The following AP4E1 variants were observed in gnomAD, a reference collection of about 807,000 sequenced individuals.
AP4E1 encodes the protein adaptor related protein complex 4 subunit epsilon 1.
In AP4E1, 56 loss-of-function variants were observed where a neutral mutation model predicts 128.2. The ratio of observed to expected loss-of-function variants is 0.44; its 90% CI spans 0.35 to 0.55. AP4E1 has a LOEUF of 0.55. Among genes scored for constraint, AP4E1 ranks in the 20% least tolerant of loss-of-function variants. The probability of loss-of-function intolerance (pLI) is 0.00; values close to 1 mark genes in which losing one functional copy is unlikely to be tolerated. For missense variants in AP4E1, 1,324 were observed against 1,307.7 expected, an observed-to-expected ratio of 1.01 and a Z score of -0.19; for synonymous variants, 484 against 473.1, an observed-to-expected ratio of 1.02 and a Z score of -0.30.
At chr15:50,993,690 T>C (rs954509549) in intron 17 of AP4E1, 65 bp downstream of exon 17, 3 of 1,598,192 alleles carry the variant, frequency 1.9e-6, no homozygotes, top group Admixed American at 3.4e-5. Flanking sequence ...AAACTGGCTC[T>C]ATAAAAGCTC....
At position 51,003,744 on chromosome 15, in the gene AP4E1, A is replaced by G. The variant is rs2064991339; in HGVS notation, c.*1082A>G. On this transcript the variant is annotated 3_prime_UTR_variant, in exon 21 of 21. Transcript: ENST00000261842. ...TGTACATTAACTGAAATAGTATTTT[A>G]TAAAATCTTATGGTGCTGTGGAAAA... 6.5e-6 allele frequency: 1 copy of G among 152,672 alleles called. No homozygotes were observed. Among genetic ancestry groups the G allele is most frequent in the Non-Finnish European group, 1.5e-5 (1 of 68,032 alleles). 9.5% of individuals were successfully genotyped at this position (152,672 alleles called of 1,614,324 possible). A position where few individuals can be genotyped will look rare whatever the true frequency, so the allele number is the denominator to read the frequency against.
chr15:50,937,670 G>T (rs1467079355), intron 8 of AP4E1, among the ~76,000 whole-genome samples: 1 of 152,200 alleles, frequency 6.6e-6, no homozygotes, highest in Non-Finnish European at 1.5e-5. Flanking sequence ...ATTTACTGAT[G>T]TGATAGGACC....
intron 3 of AP4E1, among the ~76,000 whole-genome samples, chr15:50,922,125 G>C (rs1349201403): frequency 7.1e-6 from 1 of 140,076 alleles, no homozygotes; most frequent in Non-Finnish European, 1.5e-5. Flanking sequence ...CTGGGCGTTT[G>C]AGACCAGCCT....
chr15:50,961,116 G>A (rs561055117), intron 14 of AP4E1, among the ~76,000 whole-genome samples: 7 of 152,010 alleles, frequency 4.6e-5, no homozygotes, highest in Admixed American at 4.6e-4. Context: ...ATCAGTAATA[G>A]TAAGTCTCCC....
chr15:50,916,912 G>A (rs972244376), intron 3 of AP4E1, among the ~76,000 whole-genome samples: 2 of 150,992 alleles, frequency 1.3e-5, no homozygotes, highest in Admixed American at 1.3e-4. Flanking sequence ...TTTTTTTTTC[G>A]AGGCTTCAAA....
At chr15:50,944,704 G>A (rs2064034540) in intron 10 of AP4E1, 1 of 497,996 alleles carries the variant, frequency 2.0e-6, no homozygotes, top group South Asian at 3.1e-5. Flanking sequence ...AATTATGTCT[G>A]TGAAACCAAG....
chr15:50,924,141 G>A, intron 4 of AP4E1, 137 bp downstream of exon 4: 1 of 671,310 alleles, frequency 1.5e-6, no homozygotes, highest in South Asian at 1.8e-5. Context: ...TTTTAGATCA[G>A]TTTCTGCATC....
At chr15:50,993,880 A>G (rs1456133241) in intron 17 of AP4E1, among the ~76,000 whole-genome samples, 1 of 152,200 alleles carries the variant, frequency 6.6e-6, no homozygotes, top group Non-Finnish European at 1.5e-5. Context: ...GTCAGGCTCC[A>G]AATAAGGTTA....
intron 16 of AP4E1, among the ~76,000 whole-genome samples, chr15:50,990,573 G>A (rs2140924754): frequency 6.6e-6 from 1 of 151,972 alleles, no homozygotes; most frequent in African/African-American, 2.4e-5. Flanking sequence ...TTTAGTAGAG[G>A]CAGTGTTTTG....
intron 1 of AP4E1, among the ~76,000 whole-genome samples, chr15:50,911,552 G>A (rs1380000263): frequency 6.8e-6 from 1 of 147,810 alleles, no homozygotes. Flanking sequence ...GTACGATCTC[G>A]GCTCACTGCA....
intron 10 of AP4E1, chr15:50,944,586 TA>T (rs33961860): frequency 0.44 from 91,453 of 209,980 alleles, 16,729 homozygotes; most frequent in East Asian, 0.55. Context: ...CTAAAACAGT[TA>T]AAAAAAAAAA....
intron 8 of AP4E1, 57 bp from the exon 9 acceptor site, chr15:50,941,385 A>G: frequency 1.9e-6 from 3 of 1,570,362 alleles, no homozygotes; most frequent in African/African-American, 2.7e-5. Flanking sequence ...CTACACAAAT[A>G]CATTGTTTTG....
At chr15:50,948,838 G>T (rs1290495224) in intron 11 of AP4E1, among the ~76,000 whole-genome samples, 1 of 151,992 alleles carries the variant, frequency 6.6e-6, no homozygotes, top group Admixed American at 6.6e-5. Context: ...CGGGCATGGT[G>T]GCGCATGCCT....
chr15:51,002,301 T>A (rs944693631), intron 20 of AP4E1, among the ~76,000 whole-genome samples: 1 of 152,214 alleles, frequency 6.6e-6, no homozygotes, highest in Non-Finnish European at 1.5e-5. Context: ...TTTGTTATTA[T>A]CTGTTTTTTT....
Position 50,925,196 on chromosome 15 carries a change from A to G in AP4E1, c.519A>G (p.Ile173Met). ...TGATTCCAGCTGTTCTTCCATTAAT[A>G]GAAGATAAACTTCAACATTCTAAGT... Reference protein sequence around the residue: ...CEMIPAVLPLIEDKLQHSKEI... With the variant: ...CEMIPAVLPLMEDKLQHSKEI... The change falls in exon 5 of 21, where the codon ATA becomes ATG. Residue 173 changes from isoleucine to methionine, a missense_variant. Ile to Met is a conservative substitution (Grantham distance 10, BLOSUM62 1). Coordinates refer to ENST00000261842, the MANE Select transcript of AP4E1 (RefSeq NM_007347.5). 6.2e-7 allele frequency: 1 copy of G among 1,613,534 alleles called. No homozygotes were observed. Among genetic ancestry groups the G allele is most frequent in the Non-Finnish European group, 8.5e-7 (1 of 1,179,454 alleles).
At position 51,003,033 on chromosome 15, in the gene AP4E1, G is replaced by A; in HGVS notation, c.*371G>A. 4.7e-6 allele frequency: 1 copy of A among 211,576 alleles called. No individual in the cohort carries two copies. Among genetic ancestry groups the A allele is most frequent in the Non-Finnish European group, 9.6e-6 (1 of 103,796 alleles). The allele number at this position is 211,576 out of a possible 1,614,324, so 13.1% of individuals were successfully genotyped here. ...TAATAAAGCCAAGTCTCAGTTTTCT[G>A]CATTAAATGGAAGGGAGACATGAAA... On this transcript the variant is annotated 3_prime_UTR_variant, in exon 21 of 21. Transcript: ENST00000261842.
In AP4E1 at chr15:50,908,717, G is replaced by A; in HGVS notation, c.-62G>A. 2.1e-6 allele frequency: 3 copies of A among 1,407,302 alleles called. No homozygotes were observed. Among genetic ancestry groups the A allele is most frequent in the South Asian group, 1.6e-5 (1 of 62,556 alleles). 87.2% of individuals were successfully genotyped at this position (1,407,302 alleles called of 1,614,324 possible). On this transcript the variant is annotated 5_prime_UTR_variant, in exon 1 of 21. Transcript: ENST00000261842. ...GGAGGCCGGGCCGGCAGCGGCGGCC[G>A]GGCATGAAGCCGGGCGGCTACGGGA...
chr15:50,949,312 C>CT (rs1304773125), intron 11 of AP4E1, among the ~76,000 whole-genome samples: 3 of 151,142 alleles, frequency 2.0e-5, no homozygotes, highest in Non-Finnish European at 2.9e-5. Flanking sequence ...ACTCGGGAGG[C>CT]TGAGGCAGGA....
chr15:50,958,885 A>G (rs2064271224), intron 14 of AP4E1, 91 bp downstream of exon 14: 6 of 1,363,324 alleles, frequency 4.4e-6, no homozygotes, highest in Admixed American at 3.4e-5. Context: ...ATATATCAAA[A>G]TGTGGTTTCT....
Sources: allele counts gnomAD v4.1 joint callset (sites outside exome capture counted in the v4.1 genomes callset), GRCh38; gene constraint gnomAD v4.1.1; transcripts MANE v1.5; gene names NCBI Gene and HGNC (gene_info 2026-07-23, HGNC 2026-07-21).